BRIP1: variants seen among roughly 807,000 people sequenced by gnomAD.
The protein encoded by BRIP1 is BRCA1 interacting DNA helicase 1, also known as Fanconi anemia group J protein.
BRIP1 carries 88 observed loss-of-function variants against 119.7 expected under a neutral mutation model. That is an observed-to-expected ratio of 0.74 (90% CI 0.62 to 0.88). The LOEUF is 0.88. Ranked by LOEUF, BRIP1 falls within the 40% of genes least tolerant of loss-of-function variation. The probability of loss-of-function intolerance (pLI) is 0.00; values close to 1 mark genes in which losing one functional copy is unlikely to be tolerated. For synonymous variants in BRIP1, 443 were observed against 496.5 expected (o/e 0.89, Z 1.43); for missense variants, 1,259 against 1,455.4 (o/e 0.87, Z 2.20).
chr17:61,832,095 C>A lies in BRIP1; in HGVS notation c.627+15006G>T, dbSNP rs558654991. ...CACAGCGTTCAAATGTTATTTTTCA[C>A]TAAATGGAACCAGGGTTCCTTGGAG... On this transcript the variant is annotated intron_variant, in intron 6 of 19. Coordinates refer to ENST00000259008, the MANE Select transcript of BRIP1 (RefSeq NM_032043.3). The surrounding 1 kb of genome is among the most constrained non-coding windows in gnomAD (Gnocchi z 5.5). Among the ~76,000 whole-genome samples the A allele has an allele frequency of 6.6e-6, 1 of 152,250 alleles. No individual in the cohort carries two copies. Among genetic ancestry groups the A allele is most frequent in the East Asian group, 1.9e-4 (1 of 5,184 alleles).
chr17:61,808,568 T>C lies in BRIP1; in HGVS notation c.817A>G (p.Met273Val), dbSNP rs587781797. The change falls in exon 7 of 20, where the codon ATG becomes GTG. Residue 273 changes from methionine (M) to valine (V), a missense_variant. By Grantham distance (21) the Met-to-Val change is conservative. This residue lies in a region of BRIP1 where 501 missense variants were observed against 544.0 expected (regional missense o/e 0.92). Transcript: ENST00000259008. The surrounding 1 kb of genome is among the most constrained non-coding windows in gnomAD (Gnocchi z 4.1). ...LRRTAYSGVPMTILSSRDHTC... is the reference protein window; with the variant it reads ...LRRTAYSGVPVTILSSRDHTC... ...TGATCCCTGCTGGAAAGAATAGTCA[T>C]TGGAACCCCTGAATATGCCGTCCTC... 6.2e-7 allele frequency: 1 copy of C among 1,613,748 alleles called. No individual in the cohort carries two copies.
rs1359239662 is a variant in BRIP1, at chr17:61,759,682, C to T, written c.2098-15091G>A. ...TGAGTCATACATTTTTGTTACCCAT[C>T]ATATATAAACGGTTAATGTTTATAC... On this transcript the variant is annotated intron_variant, in intron 14 of 19. Coordinates refer to ENST00000259008, the MANE Select transcript of BRIP1 (RefSeq NM_032043.3). This position sits in a 1 kb window ranked among gnomAD's most constrained non-coding sequence, Gnocchi z 4.9. Among the ~76,000 whole-genome samples the T allele has an allele frequency of 6.6e-6, 1 of 151,998 alleles. No homozygotes were observed. Among genetic ancestry groups the T allele is most frequent in the Non-Finnish European group, 1.5e-5 (1 of 67,952 alleles).
rs1369898973 is a variant in BRIP1 at position 61,704,041 on chromosome 17, G to C, written c.2493-10529C>G. ...TCTTGAGTTAATTTTAATCCATCTT[G>C]AGTTGATTTTTGTATATGGTAAAAG... On this transcript the variant is annotated intron_variant, in intron 17 of 19. Transcript: ENST00000259008. This position sits in a 1 kb window ranked among gnomAD's most constrained non-coding sequence, Gnocchi z 5.7. Among the ~76,000 whole-genome samples, 1 of 152,080 alleles carries C rather than the reference G, an allele frequency of 6.6e-6. No individual in the cohort carries two copies. The highest frequency in any genetic ancestry group is 2.4e-5 in the African/African-American group (1 of 41,412).
chr17:61,836,108 C>CT lies in BRIP1; in HGVS notation c.627+10992dup, dbSNP rs71153409. On this transcript the variant is annotated intron_variant, in intron 6 of 19. Coordinates refer to ENST00000259008, the MANE Select transcript of BRIP1 (RefSeq NM_032043.3). ...AGGTTTTTCAAAAAATGTTATTACT[C>CT]TTTTTTTTTTTTTTTTTTTTTTGAG... is the stretch of plus-strand genomic sequence containing the variant. 6.1e-4 allele frequency among the ~76,000 whole-genome samples: 48 copies of CT among 79,040 alleles called. 2 individuals carry two copies. The highest frequency in any genetic ancestry group is 4.5e-4 in the Admixed American group (3 of 6,712). 51.9% of individuals were successfully genotyped at this position (79,040 alleles called of 152,430 possible).
In BRIP1 at chr17:61,746,476, G is replaced by A. The variant is rs965142611; in HGVS notation, c.2098-1885C>T. Among the ~76,000 whole-genome samples, 1 of 152,090 alleles carries A rather than the reference G, an allele frequency of 6.6e-6. No individual in the cohort carries two copies. The highest frequency in any genetic ancestry group is 1.5e-5 in the Non-Finnish European group (1 of 67,984). ...TTAAATTTAAGGATACCCATAGGCT[G>A]AAAGTGAAGGGATAGAAAAAGATAT... is the stretch of plus-strand genomic sequence containing the variant. On this transcript the variant is annotated intron_variant, in intron 14 of 19. Coordinates refer to ENST00000259008, the MANE Select transcript of BRIP1 (RefSeq NM_032043.3). The surrounding 1 kb of genome is among the most constrained non-coding windows in gnomAD (Gnocchi z 4.9).
At position 61,685,914 on chromosome 17, in the gene BRIP1, C is replaced by G. The variant is rs1401830781; in HGVS notation, c.2827G>C (p.Val943Leu). 6.2e-7 allele frequency: 1 copy of G among 1,614,014 alleles called. No homozygotes were observed. Among genetic ancestry groups the G allele is most frequent in the Non-Finnish European group, 8.5e-7 (1 of 1,179,924 alleles). Residue 943 changes from valine to leucine, a missense_variant, in exon 19 of 20, where the codon GTC (valine) becomes CTC (leucine). Coordinates refer to ENST00000259008, the MANE Select transcript of BRIP1 (RefSeq NM_032043.3). ...ATTTTAGGACACTGTAGTTCCTGGA[C>G]ACATATCTTTGCTTCATCTTCCACA... The part of the protein sequence containing the change: ...NFVEDEAKIC[V>L]QELQCPKIIT...
Position 61,847,109 on chromosome 17 carries a change from G to A in BRIP1, c.619C>T (p.Pro207Ser), listed in dbSNP as rs775636640. 1 of 1,613,714 alleles carries A rather than the reference G, an allele frequency of 6.2e-7. No individual in the cohort carries two copies. Among genetic ancestry groups the A allele is most frequent in the South Asian group, 1.1e-5 (1 of 91,068 alleles). ...ATGGCATTAATACATACTTTCTGTGGCGAAAAGGAGTTTATCTTTTCCAGT... is the reference window on the plus strand; with the variant it reads ...ATGGCATTAATACATACTTTCTGTGACGAAAAGGAGTTTATCTTTTCCAGT... The part of the protein sequence containing the change: ...SPLEKINSFS[P>S]QKPPGHCSRC... The change falls in exon 6 of 20, where the codon CCA becomes TCA. Residue 207 changes from proline to serine, a missense_variant. By Grantham distance (74) the Pro-to-Ser change is moderately conservative. Coordinates refer to ENST00000259008, the MANE Select transcript of BRIP1 (RefSeq NM_032043.3).
Position 61,742,829 on chromosome 17 carries a change from G to A in BRIP1, c.2379+184C>T, listed in dbSNP as rs901754051. On this transcript the variant is annotated intron_variant, in intron 16 of 19. Transcript: ENST00000259008. The surrounding 1 kb of genome is among the most constrained non-coding windows in gnomAD (Gnocchi z 4.7). ...TAACCCAAATGTGAAACAGAAACAA[G>A]TGACCACATGCTGTTGGAAAAATGG... is the stretch of plus-strand genomic sequence containing the variant. Among the ~76,000 whole-genome samples, 1 of 152,136 alleles carries A rather than the reference G, an allele frequency of 6.6e-6. No individual in the cohort carries two copies. The highest frequency in any genetic ancestry group is 1.5e-5 in the Non-Finnish European group (1 of 68,014).
intron 14 of BRIP1, among the ~76,000 whole-genome samples, chr17:61,765,992 TC>T (rs1447113334): frequency 1.3e-5 from 2 of 152,124 alleles, no homozygotes; most frequent in Non-Finnish European, 2.9e-5. Flanking sequence ...ACAGTTTAGC[TC>T]ATAATCAAAA....
chr17:61,829,555 T>C (rs1228379736), intron 6 of BRIP1, among the ~76,000 whole-genome samples: 3 of 151,212 alleles, frequency 2.0e-5, no homozygotes, highest in Non-Finnish European at 4.4e-5. Context: ...ATCAACAAAC[T>C]TGACCTAACT....
At chr17:61,859,648 G>T in intron 3 of BRIP1, 148 bp downstream of exon 3, 1 of 656,662 alleles carries the variant, frequency 1.5e-6, no homozygotes, top group Non-Finnish European at 2.7e-6. Flanking sequence ...AAACTCTTTT[G>T]GAAGATTTAT....
rs567851557 is a variant in BRIP1 at position 61,815,299 on chromosome 17, C to G, written c.628-6542G>C. ...ACAGATCACCCAGAAACTACAGACA[C>G]AATTTTGTGTGCATTTTTAGAAAGT... is the stretch of plus-strand genomic sequence containing the variant. On this transcript the variant is annotated intron_variant, in intron 6 of 19. Transcript: ENST00000259008. The surrounding 1 kb of genome is among the most constrained non-coding windows in gnomAD (Gnocchi z 4.1). Among the ~76,000 whole-genome samples the G allele has an allele frequency of 3.3e-4, 50 of 152,182 alleles. No homozygotes were observed. Among genetic ancestry groups the G allele is most frequent in the Non-Finnish European group, 6.5e-4 (44 of 67,986 alleles).
At chr17:61,733,390 T>C (rs1355957844) in intron 16 of BRIP1, among the ~76,000 whole-genome samples, 1 of 152,176 alleles carries the variant, frequency 6.6e-6, no homozygotes, top group Non-Finnish European at 1.5e-5. Flanking sequence ...TACCATCATC[T>C]GATAATATTT....
Position 61,748,215 on chromosome 17 carries a change from C to T in BRIP1, c.2098-3624G>A, listed in dbSNP as rs1353235332. ...ATAGGGGTACAAACACTATTGTGAA[C>T]TGTGCTTGCAAGGGATCTAGGTTAT... On this transcript the variant is annotated intron_variant, in intron 14 of 19. Coordinates refer to ENST00000259008, the MANE Select transcript of BRIP1 (RefSeq NM_032043.3). This position sits in a 1 kb window ranked among gnomAD's most constrained non-coding sequence, Gnocchi z 4.7. Among the ~76,000 whole-genome samples the T allele has an allele frequency of 6.6e-6, 1 of 152,096 alleles. No individual in the cohort carries two copies. The highest frequency in any genetic ancestry group is 1.5e-5 in the Non-Finnish European group (1 of 68,036).
chr17:61,683,132 A>G lies in BRIP1; in HGVS notation c.*164T>C. 2.2e-6 allele frequency: 2 copies of G among 899,146 alleles called. No homozygotes were observed. Among genetic ancestry groups the G allele is most frequent in the Non-Finnish European group, 3.2e-6 (2 of 617,824 alleles). The allele number at this position is 899,146 out of a possible 1,614,324, so 55.7% of individuals were successfully genotyped here. A position where few individuals can be genotyped will look rare whatever the true frequency, so the allele number is the denominator to read the frequency against. On this transcript the variant is annotated 3_prime_UTR_variant, in exon 20 of 20. Coordinates refer to ENST00000259008, the MANE Select transcript of BRIP1 (RefSeq NM_032043.3). The surrounding 1 kb of genome is among the most constrained non-coding windows in gnomAD (Gnocchi z 4.7). Reference sequence around the variant, plus strand: ...GGCAACAGACCAAGACTCTGTCTCAAAAAAAAAAACCCAAAAACTCAAGAA... The same window carrying G: ...GGCAACAGACCAAGACTCTGTCTCAGAAAAAAAAACCCAAAAACTCAAGAA...
rs2077390401 is a variant in BRIP1, at chr17:61,767,530, C to A, written c.2097+8871G>T. Among the ~76,000 whole-genome samples the A allele has an allele frequency of 6.6e-6, 1 of 152,144 alleles. No homozygotes were observed. The highest frequency in any genetic ancestry group is 1.9e-4 in the East Asian group (1 of 5,188). ...CCTCAAGTGATCCTCCTATCTCAGC[C>A]TCCCAAATTGCTGGGATTATAGGCT... On this transcript the variant is annotated intron_variant, in intron 14 of 19. Transcript: ENST00000259008. This position sits in a 1 kb window ranked among gnomAD's most constrained non-coding sequence, Gnocchi z 5.7.
rs1242652359 is a variant in BRIP1, at chr17:61,748,501, G to C, written c.2098-3910C>G. On this transcript the variant is annotated intron_variant, in intron 14 of 19. Transcript: ENST00000259008. This position sits in a 1 kb window ranked among gnomAD's most constrained non-coding sequence, Gnocchi z 4.7. ...ATTAATATGCAACCACAAAGGACTT[G>C]GAATAATCAAAACAATCTTGAGAAA... is the stretch of plus-strand genomic sequence containing the variant. Among the ~76,000 whole-genome samples, 1 of 152,154 alleles carries C rather than the reference G, an allele frequency of 6.6e-6. No homozygotes were observed. The highest frequency in any genetic ancestry group is 2.4e-5 in the African/African-American group (1 of 41,432).
rs2076955573 is a variant in BRIP1, at chr17:61,739,098, A to G, written c.2379+3915T>C. The G allele has an allele frequency of 5.7e-6, 1 of 175,860 alleles. No individual in the cohort carries two copies. The highest frequency in any genetic ancestry group is 2.0e-4 in the South Asian group (1 of 5,030). The allele number at this position is 175,860 out of a possible 1,614,324, so 10.9% of individuals were successfully genotyped here. A position where few individuals can be genotyped will look rare whatever the true frequency, so the allele number is the denominator to read the frequency against. On this transcript the variant is annotated intron_variant, in intron 16 of 19. Transcript: ENST00000259008. This position sits in a 1 kb window ranked among gnomAD's most constrained non-coding sequence, Gnocchi z 6.0. ...AAATTGTATTTTATTAAGATATTGG[A>G]AGAAGATGTGGTCTAAAGAAGGGAA...
chr17:61,753,024 G>A lies in BRIP1; in HGVS notation c.2098-8433C>T, dbSNP rs1230766565. ...TTTAAGAGGTGACAGGGTAACAAGA[G>A]TGCTGCCCTCATGAATGGATTTGTC... On this transcript the variant is annotated intron_variant, in intron 14 of 19. Coordinates refer to ENST00000259008, the MANE Select transcript of BRIP1 (RefSeq NM_032043.3). The surrounding 1 kb of genome is among the most constrained non-coding windows in gnomAD (Gnocchi z 4.6). 6.6e-6 allele frequency among the ~76,000 whole-genome samples: 1 copy of A among 152,164 alleles called. No homozygotes were observed. The highest frequency in any genetic ancestry group is 1.9e-4 in the East Asian group (1 of 5,196).
Sources: allele counts gnomAD v4.1 joint callset (sites outside exome capture counted in the v4.1 genomes callset), GRCh38; gene constraint gnomAD v4.1.1; regional missense constraint gnomAD v4.1.1; non-coding constraint Gnocchi (gnomAD v3.1); transcripts MANE v1.5; gene names NCBI Gene and HGNC (gene_info 2026-07-23, HGNC 2026-07-21).